WWOX: variants seen among roughly 807,000 people sequenced by gnomAD.
The protein encoded by WWOX is WW domain-containing oxidoreductase.
In WWOX, 69 loss-of-function variants were observed where a neutral mutation model predicts 46.2. The ratio of observed to expected loss-of-function variants is 1.49; its 90% CI spans 1.23 to 1.82. The LOEUF (loss-of-function observed/expected upper bound fraction) is 1.82. Ranked by LOEUF, WWOX falls within the 40% of genes most tolerant of loss-of-function variation. The probability of loss-of-function intolerance (pLI) is 0.00; values close to 1 mark genes in which losing one functional copy is unlikely to be tolerated. For synonymous variants in WWOX, 359 were observed against 202.6 expected (o/e 1.77, Z -6.56); for missense variants, 919 against 542.6 (o/e 1.69, Z -6.89).
At chr16:78,684,205 T>C (rs1021645718) in intron 8 of WWOX, among the ~76,000 whole-genome samples, 1 of 152,210 alleles carries the variant, frequency 6.6e-6, no homozygotes, top group Admixed American at 6.5e-5. Flanking sequence ...TGAGTCATCT[T>C]TCCCATTGGT....
At chr16:78,886,998 G>T (rs902364972) in intron 8 of WWOX, among the ~76,000 whole-genome samples, 1 of 151,758 alleles carries the variant, frequency 6.6e-6, no homozygotes, top group Admixed American at 6.6e-5. Flanking sequence ...AGAAATTTGA[G>T]TTTTCATATT....
chr16:78,867,844 G>C (rs1308582633), intron 8 of WWOX, among the ~76,000 whole-genome samples: 3 of 152,116 alleles, frequency 2.0e-5, no homozygotes, highest in African/African-American at 7.2e-5. Context: ...CCCAGACCAT[G>C]ACATGCCTAC....
chr16:79,109,565 G>A (rs1406199525), intron 8 of WWOX, among the ~76,000 whole-genome samples: 1 of 152,136 alleles, frequency 6.6e-6, no homozygotes, highest in Non-Finnish European at 1.5e-5. Flanking sequence ...TTCAAAAGTG[G>A]AGAGCAATGT....
At chr16:78,245,030 A>G (rs571215582) in intron 5 of WWOX, among the ~76,000 whole-genome samples, 1 of 152,322 alleles carries the variant, frequency 6.6e-6, no homozygotes, top group African/African-American at 2.4e-5. Context: ...TTTTGTTACA[A>G]TTGTGGCATA....
chr16:78,744,697 G>T (rs1413967274), intron 8 of WWOX, among the ~76,000 whole-genome samples: 2 of 152,108 alleles, frequency 1.3e-5, no homozygotes, highest in Non-Finnish European at 2.9e-5. Flanking sequence ...CTCCCAAAGT[G>T]CTGGGATTAC....
intron 8 of WWOX, among the ~76,000 whole-genome samples, chr16:79,005,557 T>C (rs935753712): frequency 6.6e-6 from 1 of 152,150 alleles, no homozygotes; most frequent in Non-Finnish European, 1.5e-5. Context: ...GGCCTGTAGG[T>C]ATTTCCTGGC....
At chr16:78,941,471 T>G (rs1026555162) in intron 8 of WWOX, among the ~76,000 whole-genome samples, 1 of 152,054 alleles carries the variant, frequency 6.6e-6, no homozygotes. Context: ...CCTTTTTTTT[T>G]TTTTGTCAGT....
At chr16:78,306,640 C>T (rs1246233171) in intron 5 of WWOX, among the ~76,000 whole-genome samples, 4 of 151,830 alleles carry the variant, frequency 2.6e-5, no homozygotes, top group Non-Finnish European at 5.9e-5. Context: ...AGCCCAACTC[C>T]TTACCACAAT....
intron 8 of WWOX, among the ~76,000 whole-genome samples, chr16:79,169,958 C>G (rs1011432930): frequency 6.6e-6 from 1 of 152,198 alleles, no homozygotes; most frequent in African/African-American, 2.4e-5. Flanking sequence ...AGAACTGGCT[C>G]TGTTGACCAG....
At chr16:78,760,305 G>C (rs571392794) in intron 8 of WWOX, among the ~76,000 whole-genome samples, 5 of 152,178 alleles carry the variant, frequency 3.3e-5, no homozygotes, top group African/African-American at 1.2e-4. Flanking sequence ...CTCCCACCAG[G>C]GTCCCTCCCA....
intron 8 of WWOX, among the ~76,000 whole-genome samples, chr16:79,179,306 T>C (rs140055210): frequency 2.6e-5 from 4 of 152,322 alleles, no homozygotes; most frequent in Non-Finnish European, 5.9e-5. Context: ...TTTTTCCATT[T>C]TTATGTTTCC....
intron 8 of WWOX, among the ~76,000 whole-genome samples, chr16:78,540,986 C>A (rs1377214235): frequency 6.6e-6 from 1 of 152,044 alleles, no homozygotes; most frequent in African/African-American, 2.4e-5. Context: ...AGAATTAGGT[C>A]CCCCACTATT....
At chr16:78,740,252 A>G (rs796951859) in intron 8 of WWOX, among the ~76,000 whole-genome samples, 11 of 152,252 alleles carry the variant, frequency 7.2e-5, no homozygotes, top group African/African-American at 2.6e-4. Flanking sequence ...CGTTCTTACA[A>G]TGCTGATGCG....
chr16:78,623,009 A>G (rs2046226691), intron 8 of WWOX, among the ~76,000 whole-genome samples: 1 of 152,086 alleles, frequency 6.6e-6, no homozygotes, highest in Non-Finnish European at 1.5e-5. Flanking sequence ...AAATGAGGAC[A>G]TTAGTCCTAT....
intron 5 of WWOX, among the ~76,000 whole-genome samples, chr16:78,177,488 T>TGC (rs2035389160): frequency 6.6e-6 from 1 of 152,150 alleles, no homozygotes; most frequent in African/African-American, 2.4e-5. Flanking sequence ...CAGGAGAAAG[T>TGC]ATTGGTGGAC....
At chr16:78,465,164 G>A (rs189986684) in intron 8 of WWOX, among the ~76,000 whole-genome samples, 3 of 152,298 alleles carry the variant, frequency 2.0e-5, no homozygotes, top group East Asian at 1.9e-4. Flanking sequence ...GGAGTTCTGG[G>A]AACTACAGTT....
intron 8 of WWOX, among the ~76,000 whole-genome samples, chr16:78,528,981 T>C (rs893741967): frequency 6.7e-6 from 1 of 149,902 alleles, no homozygotes; most frequent in African/African-American, 2.5e-5. Flanking sequence ...TTAGGGAGGG[T>C]CTGGCTGTAT....
At chr16:78,327,943 C>G (rs1193062662) in intron 5 of WWOX, among the ~76,000 whole-genome samples, 5 of 123,902 alleles carry the variant, frequency 4.0e-5, no homozygotes, top group African/African-American at 1.6e-4. Flanking sequence ...GTTGTACAAT[C>G]TTGGCTCATG....
At chr16:78,490,663 C>T (rs56209593) in intron 8 of WWOX, among the ~76,000 whole-genome samples, 1,886 of 152,258 alleles carry the variant, frequency 0.012, 28 homozygotes, top group African/African-American at 0.044. Context: ...TTGGAAAGCA[C>T]CCACGTGAAT....
Sources: gnomAD v4.1 joint callset for allele counts (sites outside exome capture counted in the v4.1 genomes callset) on GRCh38, gnomAD v4.1.1 for gene constraint, MANE v1.5 for transcripts, NCBI Gene and HGNC (gene_info 2026-07-23, HGNC 2026-07-21) for gene names.